DTNBP1: variants seen among roughly 807,000 people sequenced by gnomAD.
DTNBP1 encodes dysbindin.
DTNBP1 carries 35 observed loss-of-function variants against 42.8 expected under a neutral mutation model. The ratio of observed to expected loss-of-function variants is 0.82; its 90% CI spans 0.63 to 1.09. The LOEUF (loss-of-function observed/expected upper bound fraction) is 1.09. DTNBP1 is among the 50% of genes least tolerant of loss of function. DTNBP1 has a pLI of 0.00. For synonymous variants in DTNBP1, 171 were observed against 162.2 expected, an observed-to-expected ratio of 1.05 and a Z score of -0.41; for missense variants, 457 against 424.2, an observed-to-expected ratio of 1.08 and a Z score of -0.68.
chr6:15,556,915 C>T (rs764610836), intron 7 of DTNBP1, among the ~76,000 whole-genome samples: 7 of 152,292 alleles, frequency 4.6e-5, no homozygotes, highest in Non-Finnish European at 1.0e-4. Flanking sequence ...GGATTAAATG[C>T]TTTAAGGTCA....
At position 15,629,023 on chromosome 6, in the gene DTNBP1, T is replaced by C. The variant is rs60543913; in HGVS notation, c.223-1548A>G. Reference sequence around the variant, plus strand: ...TTCACGCAAACCGCATTTCTCATTATTTTTGTGTATTTAAAAATGTCTGTT... The same window carrying C: ...TTCACGCAAACCGCATTTCTCATTACTTTTGTGTATTTAAAAATGTCTGTT... On this transcript the variant is annotated intron_variant, in intron 4 of 9. Transcript: ENST00000344537. Among the ~76,000 whole-genome samples, 1,119 of 152,162 alleles carry C rather than the reference T, an allele frequency of 7.4e-3. 21 individuals are homozygous for C. Among genetic ancestry groups the C allele is most frequent in the African/African-American group, 0.026 (1,065 of 41,456 alleles).
intron 1 of DTNBP1, among the ~76,000 whole-genome samples, chr6:15,659,228 T>C (rs1761451688): frequency 6.6e-6 from 1 of 152,246 alleles, no homozygotes; most frequent in Non-Finnish European, 1.5e-5. Flanking sequence ...AGTAAATTTA[T>C]CTAGAGTTAG....
chr6:15,585,816 C>G, intron 7 of DTNBP1: 1 of 1,507,166 alleles, frequency 6.6e-7, no homozygotes, highest in Non-Finnish European at 8.9e-7. Flanking sequence ...AGTGAAGCCT[C>G]CAGTTACCAG....
intron 6 of DTNBP1, among the ~76,000 whole-genome samples, chr6:15,608,794 G>T (rs1483663070): frequency 6.6e-6 from 1 of 152,186 alleles, no homozygotes; most frequent in Non-Finnish European, 1.5e-5. Flanking sequence ...AAAAGTTGAT[G>T]TTCCTTTTGA....
intron 4 of DTNBP1, among the ~76,000 whole-genome samples, chr6:15,637,515 T>G (rs771878551): frequency 2.6e-5 from 4 of 152,202 alleles, no homozygotes; most frequent in African/African-American, 9.6e-5. Flanking sequence ...TTACCTGTCC[T>G]TAGAATAAAA....
At chr6:15,549,482 C>T (rs1192357550) in intron 7 of DTNBP1, among the ~76,000 whole-genome samples, 2 of 126,766 alleles carry the variant, frequency 1.6e-5, no homozygotes, top group Non-Finnish European at 3.1e-5. Context: ...AAGACTTTGT[C>T]TCAGGGATTA....
chr6:15,573,494 A>G (rs1429012680), intron 7 of DTNBP1, among the ~76,000 whole-genome samples: 2 of 152,190 alleles, frequency 1.3e-5, no homozygotes, highest in Non-Finnish European at 2.9e-5. Flanking sequence ...GGCTCCCAGC[A>G]CTATTTTAAA....
chr6:15,595,423 T>G (rs9464802), intron 6 of DTNBP1, among the ~76,000 whole-genome samples: 1 of 151,542 alleles, frequency 6.6e-6, no homozygotes, highest in South Asian at 2.1e-4. Context: ...CACCACCACA[T>G]GCCTGGCTAA....
At chr6:15,557,036 G>C (rs1158340500) in intron 7 of DTNBP1, among the ~76,000 whole-genome samples, 1 of 152,170 alleles carries the variant, frequency 6.6e-6, no homozygotes, top group East Asian at 1.9e-4. Context: ...GGGTATGCTG[G>C]AAAGCATCAT....
intron 6 of DTNBP1, among the ~76,000 whole-genome samples, chr6:15,607,010 A>ATTT (rs3045755): frequency 0.12 from 16,938 of 137,868 alleles, 1,283 homozygotes; most frequent in African/African-American, 0.22. Context: ...TCAAAAAAAA[A>ATTT]TTTTTTTTTT....
intron 6 of DTNBP1, among the ~76,000 whole-genome samples, chr6:15,593,302 G>A (rs1281339569): frequency 6.6e-6 from 1 of 152,166 alleles, no homozygotes; most frequent in Non-Finnish European, 1.5e-5. Flanking sequence ...GCTCAAAAAA[G>A]TTCCACCAGA....
chr6:15,636,715 C>G (rs1202236094), intron 4 of DTNBP1, among the ~76,000 whole-genome samples: 1 of 152,200 alleles, frequency 6.6e-6, no homozygotes, highest in Non-Finnish European at 1.5e-5. Context: ...CAGATCCCCA[C>G]AGACAAAGTC....
chr6:15,613,417 A>T (rs1758542956), intron 6 of DTNBP1, among the ~76,000 whole-genome samples: 1 of 108,952 alleles, frequency 9.2e-6, no homozygotes. Context: ...CCCAGGATGG[A>T]GTGCAGTGGC....
In DTNBP1 at chr6:15,557,370, T is replaced by A. The variant is rs530388929; in HGVS notation, c.512-23975A>T. The stretch of plus-strand genomic sequence containing the variant: ...TGAAAGACTAATCTTGTAAAAGAAA[T>A]TCTGTGTGTAAACACATTGGCTAAA... On this transcript the variant is annotated intron_variant, in intron 7 of 9. Coordinates refer to ENST00000344537, the MANE Select transcript of DTNBP1 (RefSeq NM_032122.5). Among the ~76,000 whole-genome samples, 7 of 152,006 alleles carry A rather than the reference T, an allele frequency of 4.6e-5. No homozygotes were observed. In the South Asian group the frequency reaches 1.5e-3, roughly 32 times the overall value.
At chr6:15,532,663 C>A (rs1772931277) in intron 8 of DTNBP1, among the ~76,000 whole-genome samples, 1 of 147,240 alleles carries the variant, frequency 6.8e-6, no homozygotes, top group Non-Finnish European at 1.5e-5. Flanking sequence ...GGTAATTTTG[C>A]AGGTTCTCTA....
chr6:15,627,464 G>C lies in DTNBP1; in HGVS notation c.234C>G (p.Ser78Arg), dbSNP rs190232960. The part of the protein sequence containing the change: ...DCASAGELVD[S>R]EVVMLSAHWE... ...AGTGCGCAGAAAGCATGACCACCTCGCTATCCACCAGCTGCAGCACACAAG... is the reference window on the plus strand; with the variant it reads ...AGTGCGCAGAAAGCATGACCACCTCCCTATCCACCAGCTGCAGCACACAAG... The change falls in exon 5 of 10, where the codon AGC becomes AGG. Residue 78 changes from serine to arginine, a missense_variant. Coordinates refer to ENST00000344537, the MANE Select transcript of DTNBP1 (RefSeq NM_032122.5). 1 of 1,613,792 alleles carries C rather than the reference G, an allele frequency of 6.2e-7. No homozygotes were observed. Among genetic ancestry groups the C allele is most frequent in the East Asian group, 2.2e-5 (1 of 44,866 alleles).
intron 4 of DTNBP1, 69 bp from the exon 5 acceptor site, chr6:15,627,544 A>G (rs1203560877): frequency 1.3e-6 from 2 of 1,596,076 alleles, no homozygotes; most frequent in African/African-American, 2.7e-5. Context: ...AGTTAACGTA[A>G]TGAGATTTAA....
rs567386456 is a variant in DTNBP1 at position 15,579,249 on chromosome 6, A to G, written c.511+13810T>C. Among the ~76,000 whole-genome samples the G allele has an allele frequency of 1.7e-3, 256 of 152,332 alleles. 2 individuals carry two copies. The highest frequency in any genetic ancestry group is 0.01 in the Middle Eastern group (3 of 294). On this transcript the variant is annotated intron_variant, in intron 7 of 9. Transcript: ENST00000344537. The stretch of plus-strand genomic sequence containing the variant: ...ACAAAATCCTATCATTTTCAGCAAC[A>G]TGGATGAGCCTGTAAAACATTAAGT...
intron 7 of DTNBP1, among the ~76,000 whole-genome samples, chr6:15,553,380 G>A (rs777826400): frequency 4.2e-4 from 64 of 151,360 alleles, no homozygotes; most frequent in Non-Finnish European, 5.6e-4. Context: ...TATGAAAGAC[G>A]GTACCATACA....
Sources: gnomAD v4.1 joint callset for allele counts (sites outside exome capture counted in the v4.1 genomes callset) on GRCh38, gnomAD v4.1.1 for gene constraint, MANE v1.5 for transcripts, NCBI Gene and HGNC (gene_info 2026-07-23, HGNC 2026-07-21) for gene names.